The following APOL4 variants were observed in gnomAD, a reference collection of about 807,000 sequenced individuals.
The protein encoded by APOL4 is apolipoprotein L, 4.
A neutral mutation model predicts 12.1 loss-of-function variants in APOL4; 14 were observed. The ratio of observed to expected loss-of-function variants is 1.16; its 90% CI spans 0.76 to 1.81. The LOEUF (loss-of-function observed/expected upper bound fraction) is 1.81, where lower values mean the gene tolerates loss of function less well. APOL4 is among the 40% of genes most tolerant of loss of function. The pLI is 0.00. For synonymous variants in APOL4, 171 were observed against 160.6 expected (o/e 1.06, Z -0.49); for missense variants, 432 against 423.1 (o/e 1.02, Z -0.18).
chr22:36,201,821 C>T (rs1205429666), upstream of APOL4: 13 of 1,573,366 alleles, frequency 8.3e-6, no homozygotes, highest in Non-Finnish European at 1.1e-5. Flanking sequence ...TTAGCCTCAA[C>T]TAGGACACAG....
At position 36,191,244 on chromosome 22, in the gene APOL4, G is replaced by A. The variant is rs370708432; in HGVS notation, c.878C>T (p.Thr293Ile). ...ATCCAGCACAACAAGGACACCTGAA[G>A]TGGCCTTGCCCAGGTTCCGGGCTAC... The part of the protein sequence containing the change: ...RKVARNLGKA[T>I]SGVLVVLDVV... Residue 293 changes from threonine to isoleucine, a missense_variant, in exon 4 of 4, where the codon ACT becomes ATT. Transcript: ENST00000683024. The A allele has an allele frequency of 4.3e-6, 7 of 1,613,932 alleles. No individual in the cohort carries two copies. Among genetic ancestry groups the A allele is most frequent in the Middle Eastern group, 1.6e-4 (1 of 6,082 alleles).
upstream of APOL4, among the ~76,000 whole-genome samples, chr22:36,204,003 C>A: frequency 6.6e-6 from 1 of 152,182 alleles, no homozygotes; most frequent in African/African-American, 2.4e-5. Flanking sequence ...GAGGTGAGGG[C>A]CACAGACATG....
chr22:36,195,776 T>TCTCACACACA (rs1300442097), intron 2 of APOL4, among the ~76,000 whole-genome samples: 2 of 96,986 alleles, frequency 2.1e-5, no homozygotes, highest in African/African-American at 7.1e-5. Flanking sequence ...TCTCTCTCTC[T>TCTCACACACA]CACACACACA....
upstream of APOL4, chr22:36,201,987 G>C (rs752618622): frequency 5.0e-6 from 8 of 1,614,144 alleles, no homozygotes; most frequent in South Asian, 5.5e-5. Context: ...TCTGAGCCAA[G>C]CTCACCAGAT....
chr22:36,204,646 CAG>C, upstream of APOL4: 1 of 749,768 alleles, frequency 1.3e-6, no homozygotes, highest in South Asian at 2.3e-5. Context: ...CTTCCTCTGA[CAG>C]AGACTGAGCA....
upstream of APOL4, among the ~76,000 whole-genome samples, chr22:36,203,723 A>G (rs1173793407): frequency 6.6e-6 from 1 of 152,182 alleles, no homozygotes; most frequent in Non-Finnish European, 1.5e-5. Context: ...TTATAGCCCT[A>G]GCTTGTCCAT....
chr22:36,202,370 A>G (rs936926905), upstream of APOL4, among the ~76,000 whole-genome samples: 1 of 152,142 alleles, frequency 6.6e-6, no homozygotes, highest in Non-Finnish European at 1.5e-5. Flanking sequence ...TCTGCCTCCC[A>G]CAGCACTGGG....
intron 2 of APOL4, among the ~76,000 whole-genome samples, chr22:36,196,493 T>C (rs987602559): frequency 6.6e-6 from 1 of 152,180 alleles, no homozygotes; most frequent in Non-Finnish European, 1.5e-5. Flanking sequence ...AGGAAACCAA[T>C]GAATATTCAC....
At chr22:36,197,709 A>T in intron 2 of APOL4, 1 of 1,550,546 alleles carries the variant, frequency 6.4e-7, no homozygotes, top group Non-Finnish European at 8.7e-7. Flanking sequence ...CCATGCTGAG[A>T]TGTGGATACT....
chr22:36,195,386 C>A lies in APOL4; in HGVS notation c.134G>T (p.Ser45Ile). 1.2e-6 allele frequency: 2 copies of A among 1,613,740 alleles called. No individual in the cohort carries two copies. The highest frequency in any genetic ancestry group is 1.7e-6 in the Non-Finnish European group (2 of 1,179,800). ...EVIEYFQKKV[S>I]PVHLKILLTS... Reference sequence around the variant, plus strand: ...CAGCAGGATTTTCAGATGCACTGGGCTAACTTTCTTCTGGAAGTATTCAAT... The same window carrying A: ...CAGCAGGATTTTCAGATGCACTGGGATAACTTTCTTCTGGAAGTATTCAAT... The change falls in exon 3 of 4, where the codon AGC (serine) becomes ATC (isoleucine). Residue 45 changes from serine to isoleucine, a missense_variant. Physicochemically the swap from Ser to Ile is moderately radical, Grantham distance 142. Transcript: ENST00000683024.
intron 1 of APOL4, among the ~76,000 whole-genome samples, chr22:36,200,114 T>C (rs1213100098): frequency 6.6e-6 from 1 of 152,210 alleles, no homozygotes; most frequent in Non-Finnish European, 1.5e-5. Context: ...GCCTGTGATG[T>C]GCAGGGCTTC....
chr22:36,193,003 C>T (rs552874397), intron 3 of APOL4, among the ~76,000 whole-genome samples: 3 of 152,184 alleles, frequency 2.0e-5, no homozygotes, highest in Non-Finnish European at 4.4e-5. Flanking sequence ...ATGCCCATCC[C>T]GTGCTTGCTG....
chr22:36,201,681 G>C lies in APOL4; in HGVS notation c.35+19C>G, dbSNP rs1301566463. The stretch of plus-strand genomic sequence containing the variant: ...GAGCAGAGGAGCAGGAGGGCAGAGA[G>C]CTGGGGCCTCGGACTCACCCGACGC... On this transcript the variant is annotated intron_variant, in intron 1 of 3. Transcript: ENST00000683024. 1 of 1,598,814 alleles carries C rather than the reference G, an allele frequency of 6.3e-7. No homozygotes were observed. The highest frequency in any genetic ancestry group is 8.5e-7 in the Non-Finnish European group (1 of 1,173,720).
chr22:36,193,720 G>A (rs2014327220), intron 3 of APOL4, among the ~76,000 whole-genome samples: 1 of 152,218 alleles, frequency 6.6e-6, no homozygotes. Flanking sequence ...ACTAGAAGGT[G>A]TCAATTTGCC....
chr22:36,195,774 TCTCACACACACACACACACA>T (rs2014394445), intron 2 of APOL4, among the ~76,000 whole-genome samples: 1 of 65,930 alleles, frequency 1.5e-5, no homozygotes, highest in Non-Finnish European at 3.5e-5. Context: ...TCTCTCTCTC[TCTCACACACACACACACACA>T]CACACACACA....
chr22:36,204,564 C>A (rs189286477), upstream of APOL4: 2 of 287,414 alleles, frequency 7.0e-6, no homozygotes, highest in South Asian at 7.2e-5. Flanking sequence ...CTGAATGATC[C>A]TTCCCTCATA....
chr22:36,201,523 T>G, intron 1 of APOL4, 177 bp downstream of exon 1: 1 of 1,100,450 alleles, frequency 9.1e-7, no homozygotes, highest in Non-Finnish European at 1.3e-6. Flanking sequence ...TGGGCGCTTC[T>G]TGCTGTAAGG....
chr22:36,201,952 G>T (rs769363863), upstream of APOL4: 4 of 1,613,776 alleles, frequency 2.5e-6, no homozygotes, highest in African/African-American at 1.3e-5. Flanking sequence ...GCCCAGACAG[G>T]GAGCCCTCCC....
chr22:36,194,522 T>A (rs962454471), intron 3 of APOL4, among the ~76,000 whole-genome samples: 1 of 152,174 alleles, frequency 6.6e-6, no homozygotes, highest in African/African-American at 2.4e-5. Flanking sequence ...CTCTGGGTCT[T>A]TGGGCGGCAT....
Sources: gnomAD v4.1 joint callset for allele counts (sites outside exome capture counted in the v4.1 genomes callset) on GRCh38, gnomAD v4.1.1 for gene constraint, MANE v1.5 for transcripts, NCBI Gene and HGNC (gene_info 2026-07-23, HGNC 2026-07-21) for gene names.